Variants in CCDC3 observed in about 807,000 individuals in gnomAD.
The protein encoded by CCDC3 is coiled-coil domain-containing protein 3.
Under a neutral mutation model 21.4 loss-of-function variants are expected in CCDC3, and 24 were observed. The observed-to-expected ratio is 1.12, with a 90% CI of 0.81 to 1.58. The LOEUF (loss-of-function observed/expected upper bound fraction) is 1.58. Among genes scored for constraint, CCDC3 ranks in the 40% most tolerant of loss-of-function variants. The probability of loss-of-function intolerance (pLI) is 0.00; values close to 1 mark genes in which losing one functional copy is unlikely to be tolerated. For missense variants in CCDC3, 425 were observed against 360.9 expected, an observed-to-expected ratio of 1.18 and a Z score of -1.44; for synonymous variants, 186 against 166.0, an observed-to-expected ratio of 1.12 and a Z score of -0.93.
At chr10:13,038,780 T>A (rs1056399145) in intron 5 of CCDC3, among the ~76,000 whole-genome samples, 3 of 152,224 alleles carry the variant, frequency 2.0e-5, no homozygotes, top group African/African-American at 7.2e-5. Flanking sequence ...GCAGGGAGCA[T>A]CTTGCTCCCG....
chr10:12,991,921 T>C (rs1234128199), intron 2 of CCDC3, among the ~76,000 whole-genome samples: 2 of 152,170 alleles, frequency 1.3e-5, no homozygotes, highest in Non-Finnish European at 1.5e-5. Context: ...CTCTTTCTTA[T>C]CTTTTTTTCT....
chr10:13,001,414 G>C lies in CCDC3; in HGVS notation c.157C>G (p.Pro53Ala). 1 of 1,554,694 alleles carries C rather than the reference G, an allele frequency of 6.4e-7. No individual in the cohort carries two copies. The highest frequency in any genetic ancestry group is 1.2e-5 in the South Asian group (1 of 83,446). ...TGGTTGTAGAGGCCGGGCGCCTCGG[G>C]GTGCAGCGCCAGCACCCTGGCGTAC... ...IVYARVLALH[P>A]EAPGLYNHLP... is the part of the protein sequence containing the mutation. The change falls in exon 1 of 3, where the codon CCC (proline) becomes GCC (alanine). Residue 53 changes from proline (P) to alanine (A), a missense_variant. Coordinates refer to ENST00000378825, the MANE Select transcript of CCDC3 (RefSeq NM_031455.4).
chr10:12,904,829 A>G (rs945465175), intron 2 of CCDC3, among the ~76,000 whole-genome samples: 1 of 152,174 alleles, frequency 6.6e-6, no homozygotes, highest in Non-Finnish European at 1.5e-5. Context: ...CCATATGTTC[A>G]TTCATTCTGG....
At chr10:13,009,957 G>C (rs1251162) in intron 5 of CCDC3, among the ~76,000 whole-genome samples, 123,251 of 152,158 alleles carry the variant, frequency 0.81, 50,727 homozygotes, top group Non-Finnish European at 0.88. Flanking sequence ...TCTCAAAACT[G>C]AATGATATAG....
At chr10:13,088,054 A>G (rs1334245366) in intron 3 of CCDC3, among the ~76,000 whole-genome samples, 1 of 152,216 alleles carries the variant, frequency 6.6e-6, no homozygotes, top group African/African-American at 2.4e-5. Flanking sequence ...ACCAAAGTGC[A>G]TGACTTGGCA....
At chr10:13,045,774 T>G (rs1468567259) in intron 5 of CCDC3, among the ~76,000 whole-genome samples, 1 of 152,148 alleles carries the variant, frequency 6.6e-6, no homozygotes, top group East Asian at 1.9e-4. Context: ...CCGTAAGCAC[T>G]ATAAAACTTT....
intron 3 of CCDC3, among the ~76,000 whole-genome samples, chr10:13,098,084 CGGG>C (rs763314584): frequency 1.8e-4 from 27 of 152,184 alleles, no homozygotes; most frequent in African/African-American, 6.5e-4. Context: ...AAGTGGTTGT[CGGG>C]GGAGTGTGTG....
intron 2 of CCDC3, among the ~76,000 whole-genome samples, chr10:12,942,792 G>A (rs562057027): frequency 6.6e-6 from 1 of 152,126 alleles, no homozygotes; most frequent in African/African-American, 2.4e-5. Context: ...AGAATCAGAT[G>A]ACCCACTTGG....
At chr10:12,940,597 C>A (rs942077086) in intron 2 of CCDC3, among the ~76,000 whole-genome samples, 1 of 152,128 alleles carries the variant, frequency 6.6e-6, no homozygotes, top group Non-Finnish European at 1.5e-5. Context: ...CAATCATAAC[C>A]TTGTAGAGCC....
intron 4 of CCDC3, among the ~76,000 whole-genome samples, chr10:13,054,538 C>T (rs1406686911): frequency 6.6e-6 from 1 of 152,112 alleles, no homozygotes; most frequent in African/African-American, 2.4e-5. Context: ...ACCCCCTGGC[C>T]TAACAGACTC....
At chr10:13,013,602 T>C (rs763778516) in intron 5 of CCDC3, among the ~76,000 whole-genome samples, 2 of 152,104 alleles carry the variant, frequency 1.3e-5, no homozygotes, top group Non-Finnish European at 2.9e-5. Context: ...GCAGATACCA[T>C]GGTAATCCAA....
chr10:12,917,542 A>C (rs1197093756), intron 2 of CCDC3, among the ~76,000 whole-genome samples: 2 of 152,060 alleles, frequency 1.3e-5, no homozygotes, highest in African/African-American at 4.8e-5. Flanking sequence ...GTGATCTCTC[A>C]CCTGGTTTTC....
At chr10:13,021,581 C>T (rs1046073943) in intron 5 of CCDC3, among the ~76,000 whole-genome samples, 10 of 152,096 alleles carry the variant, frequency 6.6e-5, no homozygotes, top group African/African-American at 9.7e-5. Flanking sequence ...CAGGACAAAA[C>T]GAATAGAGAA....
At chr10:12,941,168 CGA>C (rs1233771026) in intron 2 of CCDC3, among the ~76,000 whole-genome samples, 5 of 152,310 alleles carry the variant, frequency 3.3e-5, no homozygotes, top group East Asian at 3.9e-4. Flanking sequence ...AACGTGGTGA[CGA>C]GAGTGTCCTC....
intron 2 of CCDC3, among the ~76,000 whole-genome samples, chr10:12,922,285 G>A (rs141874305): frequency 7.9e-5 from 12 of 152,176 alleles, no homozygotes; most frequent in South Asian, 2.1e-4. Context: ...ACCCGCACTC[G>A]GACGGGCTTC....
At chr10:13,021,575 A>G (rs898353696) in intron 5 of CCDC3, among the ~76,000 whole-genome samples, 8 of 152,120 alleles carry the variant, frequency 5.3e-5, no homozygotes, top group Non-Finnish European at 7.4e-5. Context: ...TTTCCACAGG[A>G]CAAAACGAAT....
chr10:12,932,982 C>T (rs547105541), intron 2 of CCDC3, among the ~76,000 whole-genome samples: 4 of 152,294 alleles, frequency 2.6e-5, no homozygotes, highest in South Asian at 4.1e-4. Flanking sequence ...GGATGTTGAA[C>T]CAGCTTTGCA....
intron 2 of CCDC3, among the ~76,000 whole-genome samples, chr10:12,918,695 A>G (rs1036548508): frequency 1.3e-5 from 2 of 152,174 alleles, no homozygotes; most frequent in African/African-American, 4.8e-5. Flanking sequence ...CCCATGTAAC[A>G]CTATGTGTGA....
At position 12,964,846 on chromosome 10, in the gene CCDC3, A is replaced by T. The variant is rs10906272; in HGVS notation, c.549+33492T>A. On this transcript the variant is annotated intron_variant, in intron 2 of 2. Coordinates refer to ENST00000378825, the MANE Select transcript of CCDC3 (RefSeq NM_031455.4). ...GTAAAGTTTATACATAATTTAAAGTAGTATGTAGGAGTTTAGGACAGGCCA... is the reference window on the plus strand; with the variant it reads ...GTAAAGTTTATACATAATTTAAAGTTGTATGTAGGAGTTTAGGACAGGCCA... 2.8e-3 allele frequency among the ~76,000 whole-genome samples: 429 copies of T among 152,186 alleles called. 9 individuals carry two copies. In the East Asian group the frequency reaches 0.047, roughly 17 times the overall value.
Sources: allele counts gnomAD v4.1 joint callset (sites outside exome capture counted in the v4.1 genomes callset), GRCh38; gene constraint gnomAD v4.1.1; transcripts MANE v1.5; gene names NCBI Gene and HGNC (gene_info 2026-07-23, HGNC 2026-07-21).